The following IQCE variants were observed in gnomAD, a reference collection of about 807,000 sequenced individuals.
IQCE encodes the protein IQ domain-containing protein E.
A neutral mutation model predicts 96.0 loss-of-function variants in IQCE; 115 were observed. That is an observed-to-expected ratio of 1.20 (90% confidence interval 1.03 to 1.40). The LOEUF (loss-of-function observed/expected upper bound fraction) is 1.40, where lower values mean the gene tolerates loss of function less well. Ranked by LOEUF, IQCE falls within the 40% of genes most tolerant of loss-of-function variation. The probability of loss-of-function intolerance (pLI) is 0.00; values close to 1 mark genes in which losing one functional copy is unlikely to be tolerated. For synonymous variants in IQCE, 412 were observed against 371.2 expected, an observed-to-expected ratio of 1.11 and a Z score of -1.26; for missense variants, 1,041 against 909.1, an observed-to-expected ratio of 1.15 and a Z score of -1.87.
rs1369187755 is a variant in IQCE at position 2,614,559 on chromosome 7, TAGGAG to T, written c.*4402_*4406del. On this transcript the variant is annotated 3_prime_UTR_variant, in exon 22 of 22. Coordinates refer to ENST00000402050, the MANE Select transcript of IQCE (RefSeq NM_152558.5). ...GAAATGTGAAACTGTCAAGATGGCT[TAGGAG>T]AGGAAGGAGTGGACCCGCTGGTCTT... The T allele has an allele frequency of 6.6e-6, 1 of 152,224 alleles. No individual in the cohort carries two copies. The highest frequency in any genetic ancestry group is 1.9e-4 in the East Asian group (1 of 5,206). 9.4% of individuals were successfully genotyped at this position (152,224 alleles called of 1,614,324 possible).
chr7:2,601,299 C>T (rs975697692), intron 17 of IQCE, 142 bp from the exon 18 acceptor site: 71 of 662,466 alleles, frequency 1.1e-4, no homozygotes, highest in East Asian at 5.5e-4. Flanking sequence ...TGCTGGGTCC[C>T]GGCAGCTCGG....
intron 1 of IQCE, among the ~76,000 whole-genome samples, chr7:2,562,045 A>G (rs1053735437): frequency 6.6e-6 from 1 of 152,312 alleles, no homozygotes; most frequent in Non-Finnish European, 1.5e-5. Context: ...TGTAGATGCC[A>G]TTTATTAGGC....
chr7:2,591,383 GTCC>G (rs764189393), intron 14 of IQCE, among the ~76,000 whole-genome samples: 1 of 152,178 alleles, frequency 6.6e-6, no homozygotes, highest in Admixed American at 6.5e-5. Flanking sequence ...CCTGGCTCCT[GTCC>G]TCCTCCTGTT....
intron 6 of IQCE, among the ~76,000 whole-genome samples, chr7:2,577,836 T>C (rs1782289939): frequency 6.9e-6 from 1 of 143,904 alleles, no homozygotes; most frequent in African/African-American, 2.6e-5. Context: ...GTGTGCGGCG[T>C]GCGCGCATTG....
chr7:2,592,832 A>G (rs960137235), intron 14 of IQCE, among the ~76,000 whole-genome samples, 190 bp from the exon 15 acceptor site: 5 of 152,240 alleles, frequency 3.3e-5, no homozygotes, highest in Non-Finnish European at 7.3e-5. Context: ...TGCTCGGTTC[A>G]GGGCAGGCAG....
At chr7:2,572,531 C>T (rs7789064) in intron 5 of IQCE, among the ~76,000 whole-genome samples, 4,669 of 152,256 alleles carry the variant, frequency 0.031, 234 homozygotes, top group African/African-American at 0.1. Flanking sequence ...TAGCTTTCCT[C>T]GTGGGTGCAG....
At position 2,611,167 on chromosome 7, in the gene IQCE, C is replaced by G. The variant is rs1259728792; in HGVS notation, c.*1005C>G. The G allele has an allele frequency of 7.4e-6, 1 of 135,406 alleles. No individual in the cohort carries two copies. The highest frequency in any genetic ancestry group is 1.6e-5 in the Non-Finnish European group (1 of 62,364). 8.4% of individuals were successfully genotyped at this position (135,406 alleles called of 1,614,324 possible). On this transcript the variant is annotated 3_prime_UTR_variant, in exon 22 of 22. Coordinates refer to ENST00000402050, the MANE Select transcript of IQCE (RefSeq NM_152558.5). The stretch of plus-strand genomic sequence containing the variant: ...GCCGGGCGTGCGGAGCCTGTGGAGC[C>G]AGCAGCTGCAGAGGCCTAGGAGGGA...
rs1170434831 is a variant in IQCE at position 2,573,456 on chromosome 7, G to C, written c.433G>C (p.Asp145His). The change falls in exon 6 of 22, where the codon GAT becomes CAT. Residue 145 changes from aspartate to histidine, a missense_variant. By Grantham distance (81) the Asp-to-His change is moderately conservative. Coordinates refer to ENST00000402050, the MANE Select transcript of IQCE (RefSeq NM_152558.5). Reference sequence around the variant, plus strand: ...GACTCCTGTCTACAGAGAAAAAGAAGATATGTATGACGAGATTATTGAGTT... The same window carrying C: ...GACTCCTGTCTACAGAGAAAAAGAACATATGTATGACGAGATTATTGAGTT... ...PGTPVYREKEDMYDEIIELKK... is the reference protein window; with the variant it reads ...PGTPVYREKEHMYDEIIELKK... 1.3e-6 allele frequency: 2 copies of C among 1,547,296 alleles called. No individual in the cohort carries two copies. The highest frequency in any genetic ancestry group is 2.2e-5 in the South Asian group (2 of 89,068).
At chr7:2,586,405 CAGGGAATGG>C in intron 12 of IQCE, 34 bp downstream of exon 12, 1 of 100,814 alleles carries the variant, frequency 9.9e-6, no homozygotes, top group South Asian at 1.8e-4. Flanking sequence ...GGAGGGAGGC[CAGGGAATGG>C]CAGGGAATGG....
chr7:2,580,668 T>C (rs1162241874), intron 8 of IQCE, among the ~76,000 whole-genome samples: 1 of 151,464 alleles, frequency 6.6e-6, no homozygotes, highest in African/African-American at 2.4e-5. Flanking sequence ...TGGGAAATAG[T>C]GTGGATTCAC....
rs1361685370 is a variant in IQCE, at chr7:2,612,961, C to T, written c.*2799C>T. The T allele has an allele frequency of 6.6e-6, 1 of 152,230 alleles. No homozygotes were observed. The highest frequency in any genetic ancestry group is 1.5e-5 in the Non-Finnish European group (1 of 68,042). The allele number at this position is 152,230 out of a possible 1,614,324, so 9.4% of individuals were successfully genotyped here. On this transcript the variant is annotated 3_prime_UTR_variant, in exon 22 of 22. Transcript: ENST00000402050. ...CAGCGTCAAGTGCCAAAGCAGGCCC[C>T]ATCTACCACTTCAGGGTCGACGTTG...
intron 16 of IQCE, among the ~76,000 whole-genome samples, chr7:2,595,533 C>T (rs1019036646): frequency 6.6e-6 from 1 of 152,158 alleles, no homozygotes. Context: ...TCTCCTGCCT[C>T]TCCACTCCCT....
chr7:2,596,346 T>C (rs1263199447), intron 16 of IQCE, among the ~76,000 whole-genome samples: 3 of 149,886 alleles, frequency 2.0e-5, no homozygotes, highest in Non-Finnish European at 4.4e-5. Context: ...AAAACAAAAG[T>C]GTCTGAAAAC....
chr7:2,595,345 G>A (rs548841611), intron 16 of IQCE, among the ~76,000 whole-genome samples: 6 of 152,280 alleles, frequency 3.9e-5, no homozygotes, highest in East Asian at 1.9e-4. Flanking sequence ...CTGGGCATGC[G>A]TCCTCTCCTC....
chr7:2,563,927 CA>C (rs1781170090), intron 1 of IQCE, among the ~76,000 whole-genome samples: 1 of 146,938 alleles, frequency 6.8e-6, no homozygotes. Flanking sequence ...TTTCACTCAT[CA>C]GCCGGGCACA....
Position 2,610,251 on chromosome 7 carries a change from A to G in IQCE, c.*89A>G. Reference sequence around the variant, plus strand: ...AAAGATAATTTATCGTGTTAGGAGAAGAACGATGATACCTACTTAACACCT... The same window carrying G: ...AAAGATAATTTATCGTGTTAGGAGAGGAACGATGATACCTACTTAACACCT... On this transcript the variant is annotated 3_prime_UTR_variant, in exon 22 of 22. Coordinates refer to ENST00000402050, the MANE Select transcript of IQCE (RefSeq NM_152558.5). 7.2e-6 allele frequency: 6 copies of G among 827,666 alleles called. No individual in the cohort carries two copies. Among genetic ancestry groups the G allele is most frequent in the Non-Finnish European group, 1.1e-5 (5 of 473,748 alleles). The allele number at this position is 827,666 out of a possible 1,614,324, so 51.3% of individuals were successfully genotyped here.
Position 2,559,235 on chromosome 7 carries a change from G to T in IQCE, c.36+18G>T. 1 of 1,209,394 alleles carries T rather than the reference G, an allele frequency of 8.3e-7. No homozygotes were observed. Among genetic ancestry groups the T allele is most frequent in the African/African-American group, 1.6e-5 (1 of 63,406 alleles). 74.9% of individuals were successfully genotyped at this position (1,209,394 alleles called of 1,614,324 possible). A position where few individuals can be genotyped will look rare whatever the true frequency, so the allele number is the denominator to read the frequency against. The stretch of plus-strand genomic sequence containing the variant: ...TGGACACGGTAAGAACGGGCGAGGG[G>T]GCGACGCCGGGCGGGCGTCCGCGAG... On this transcript the variant is annotated intron_variant, in intron 1 of 21. Transcript: ENST00000402050.
chr7:2,597,056 G>A (rs1396016650), intron 16 of IQCE: 6 of 471,202 alleles, frequency 1.3e-5, no homozygotes, highest in Admixed American at 2.3e-5. Context: ...ACGCAGGAGC[G>A]GCGCGTCGGC....
intron 18 of IQCE, among the ~76,000 whole-genome samples, chr7:2,602,170 G>A (rs189575047): frequency 1.0e-3 from 156 of 152,264 alleles, no homozygotes; most frequent in Non-Finnish European, 1.8e-3. Flanking sequence ...GGTGGGCCTC[G>A]CAGGATACAT....
Sources: allele counts gnomAD v4.1 joint callset (sites outside exome capture counted in the v4.1 genomes callset), GRCh38; gene constraint gnomAD v4.1.1; transcripts MANE v1.5; gene names NCBI Gene and HGNC (gene_info 2026-07-23, HGNC 2026-07-21).